Variants in C12orf56 observed in about 807,000 individuals in gnomAD.
C12orf56 encodes chromosome 12 open reading frame 56.
In C12orf56, 71 loss-of-function variants were observed where a neutral mutation model predicts 69.9. The ratio of observed to expected loss-of-function variants is 1.02; its 90% CI spans 0.84 to 1.24. The LOEUF is 1.24. Ranked by LOEUF, C12orf56 falls within the 50% of genes most tolerant of loss-of-function variation. The probability of loss-of-function intolerance (pLI) is 0.00; values close to 1 mark genes in which losing one functional copy is unlikely to be tolerated. For synonymous variants in C12orf56, 276 were observed against 274.1 expected (o/e 1.01, Z -0.07); for missense variants, 732 against 738.5 (o/e 0.99, Z 0.10).
chr12:64,314,792 G>A (rs938417597), intron 4 of C12orf56, among the ~76,000 whole-genome samples: 33 of 151,486 alleles, frequency 2.2e-4, no homozygotes, highest in Non-Finnish European at 3.7e-4. Context: ...CCGCCACCAC[G>A]CCCGGCTAAT....
chr12:64,274,061 C>T (rs2038021595), intron 11 of C12orf56, among the ~76,000 whole-genome samples: 1 of 152,210 alleles, frequency 6.6e-6, no homozygotes, highest in African/African-American at 2.4e-5. Context: ...ACTGTTTGTG[C>T]CTCTAATGAG....
intron 3 of C12orf56, among the ~76,000 whole-genome samples, chr12:64,325,498 A>C (rs1184865237): frequency 1.3e-5 from 2 of 152,232 alleles, no homozygotes; most frequent in Non-Finnish European, 2.9e-5. Context: ...GGGGAAAATG[A>C]GATCTCATAT....
At chr12:64,277,901 GA>G in intron 8 of C12orf56, 98 bp from the exon 9 acceptor site, 1 of 1,023,758 alleles carries the variant, frequency 9.8e-7, no homozygotes, top group Non-Finnish European at 1.3e-6. Context: ...ATGTTTAAAA[GA>G]ATGAAGCATT....
chr12:64,348,642 G>A (rs574288940), intron 2 of C12orf56, among the ~76,000 whole-genome samples: 2 of 152,208 alleles, frequency 1.3e-5, no homozygotes, highest in South Asian at 4.2e-4. Context: ...ATATGTTTAG[G>A]TACATGGGTA....
chr12:64,350,058 C>T (rs1447460964), intron 2 of C12orf56, among the ~76,000 whole-genome samples: 1 of 148,524 alleles, frequency 6.7e-6, no homozygotes, highest in East Asian at 2.0e-4. Flanking sequence ...TGCCATTGCA[C>T]TCCAGCCTGG....
chr12:64,341,067 C>A (rs1246057873), intron 2 of C12orf56, among the ~76,000 whole-genome samples: 1 of 152,168 alleles, frequency 6.6e-6, no homozygotes, highest in African/African-American at 2.4e-5. Context: ...GTCACCCCAG[C>A]CAACACTGTA....
chr12:64,388,345 C>CA (rs1392840736), intron 1 of C12orf56, among the ~76,000 whole-genome samples: 1 of 152,208 alleles, frequency 6.6e-6, no homozygotes, highest in Non-Finnish European at 1.5e-5. Context: ...CTCCTTAACT[C>CA]AAAGTATCCT....
chr12:64,358,482 A>AATAATAATCATC (rs11275269), intron 1 of C12orf56, among the ~76,000 whole-genome samples: 26 of 125,944 alleles, frequency 2.1e-4, no homozygotes, highest in African/African-American at 7.5e-4. Flanking sequence ...TAATAATAAT[A>AATAATAATCATC]ATCATCATCA....
intron 1 of C12orf56, among the ~76,000 whole-genome samples, chr12:64,357,515 T>C (rs2039334849): frequency 6.6e-6 from 1 of 151,904 alleles, no homozygotes. Flanking sequence ...CAGGCTCAAG[T>C]GATCCTCCCA....
At chr12:64,279,959 A>G (rs7306905) in intron 8 of C12orf56, among the ~76,000 whole-genome samples, 106,853 of 152,004 alleles carry the variant, frequency 0.7, 38,750 homozygotes, top group Non-Finnish European at 0.8. Flanking sequence ...AGTATCATAC[A>G]TCCAAAGCAA....
chr12:64,319,046 G>T (rs1420148140), intron 3 of C12orf56, 66 bp from the exon 4 acceptor site: 27 of 1,351,862 alleles, frequency 2.0e-5, no homozygotes, highest in Non-Finnish European at 2.6e-5. Context: ...AAAGAGAACC[G>T]GTAGTTTAAG....
intron 1 of C12orf56, among the ~76,000 whole-genome samples, chr12:64,384,105 T>A (rs2039757215): frequency 6.6e-6 from 1 of 152,236 alleles, no homozygotes; most frequent in Non-Finnish European, 1.5e-5. Context: ...GAGGTAGTTC[T>A]TATTATTTTC....
At chr12:64,283,055 C>A (rs2038152906) in intron 8 of C12orf56, among the ~76,000 whole-genome samples, 1 of 150,854 alleles carries the variant, frequency 6.6e-6, no homozygotes, top group Non-Finnish European at 1.5e-5. Context: ...GGCAGGAGAA[C>A]CACTTGAACC....
chr12:64,287,300 G>A (rs912956953), intron 6 of C12orf56, among the ~76,000 whole-genome samples: 19 of 149,378 alleles, frequency 1.3e-4, no homozygotes, highest in African/African-American at 4.7e-4. Flanking sequence ...AGAAGTGCTT[G>A]GGTTTACCCA....
chr12:64,332,356 A>G (rs1377908248), intron 2 of C12orf56, among the ~76,000 whole-genome samples: 1 of 151,088 alleles, frequency 6.6e-6, no homozygotes, highest in Non-Finnish European at 1.5e-5. Context: ...AGTTCCTTCC[A>G]AAGTCTTAGG....
In C12orf56 at chr12:64,335,438, A is replaced by G. The variant is rs867473470; in HGVS notation, c.416-4406T>C. Among the ~76,000 whole-genome samples, 109 of 137,776 alleles carry G rather than the reference A, an allele frequency of 7.9e-4. No homozygotes were observed. In the East Asian group the frequency reaches 0.019, roughly 24 times the overall value. 90.4% of individuals were successfully genotyped at this position (137,776 alleles called of 152,430 possible). A position where few individuals can be genotyped will look rare whatever the true frequency, so the allele number is the denominator to read the frequency against. The stretch of plus-strand genomic sequence containing the variant: ...TCTCCAAAAAAAAAAAAAAAAAAAA[A>G]AGAGCTTTTGCTACTAATACAGTTC... On this transcript the variant is annotated intron_variant, in intron 2 of 12. Coordinates refer to ENST00000543942, the MANE Select transcript of C12orf56 (RefSeq NM_001170633.2).
Position 64,295,355 on chromosome 12 carries a change from A to C in C12orf56, c.1113+8280T>G, listed in dbSNP as rs544749698. 6.6e-4 allele frequency among the ~76,000 whole-genome samples: 100 copies of C among 152,322 alleles called. 1 individual carries two copies. Among genetic ancestry groups the C allele is most frequent in the African/African-American group, 2.3e-3 (97 of 41,582 alleles). ...TCTGTTCTTCTAAAACTTGGAGTTTAGTCAATCTATGAAAAAGTGTTCTCA... is the reference window on the plus strand; with the variant it reads ...TCTGTTCTTCTAAAACTTGGAGTTTCGTCAATCTATGAAAAAGTGTTCTCA... On this transcript the variant is annotated intron_variant, in intron 6 of 12. Coordinates refer to ENST00000543942, the MANE Select transcript of C12orf56 (RefSeq NM_001170633.2).
At chr12:64,386,278 A>C (rs1284880155) in intron 1 of C12orf56, among the ~76,000 whole-genome samples, 1 of 151,764 alleles carries the variant, frequency 6.6e-6, no homozygotes, top group Non-Finnish European at 1.5e-5. Context: ...CAATGGCGCA[A>C]TCTTGGCTCA....
intron 1 of C12orf56, among the ~76,000 whole-genome samples, chr12:64,385,366 T>G (rs573922250): frequency 2.0e-5 from 3 of 152,176 alleles, no homozygotes; most frequent in East Asian, 3.8e-4. Context: ...TACCTTTAAT[T>G]TTTTTTCCTT....
Sources: allele counts gnomAD v4.1 joint callset (sites outside exome capture counted in the v4.1 genomes callset), GRCh38; gene constraint gnomAD v4.1.1; transcripts MANE v1.5; gene names NCBI Gene and HGNC (gene_info 2026-07-23, HGNC 2026-07-21).